The following FOXN3 variants were observed in gnomAD, a reference collection of about 807,000 sequenced individuals.
The protein encoded by FOXN3 is forkhead box N3.
In FOXN3, 7 loss-of-function variants were observed where a neutral mutation model predicts 38.4. The observed-to-expected ratio is 0.18, with a 90% confidence interval of 0.10 to 0.34. FOXN3 has a LOEUF of 0.34. Among genes scored for constraint, FOXN3 ranks in the 10% least tolerant of loss-of-function variants. FOXN3 has a pLI of 1.00. For missense variants in FOXN3, 456 were observed against 613.4 expected (o/e 0.74, Z 2.71); for synonymous variants, 230 against 242.2 (o/e 0.95, Z 0.47).
At chr14:89,230,903 C>G (rs1329676984) in intron 4 of FOXN3, 3 of 455,526 alleles carry the variant, frequency 6.6e-6, no homozygotes, top group Non-Finnish European at 1.3e-5. Context: ...TAAAGTACTT[C>G]TTCTATTTTC....
chr14:89,246,041 T>TC lies in FOXN3; in HGVS notation c.745+34908dup, dbSNP rs753208826. 7.0e-4 allele frequency among the ~76,000 whole-genome samples: 106 copies of TC among 152,208 alleles called. 1 individual carries two copies. The highest frequency in any genetic ancestry group is 3.4e-3 in the Middle Eastern group (1 of 294). On this transcript the variant is annotated intron_variant, in intron 4 of 5. Transcript: ENST00000557258. ...TGATGGCTTAAGGGTACAGGGTTTT[T>TC]CCCCCGCACTGGGTGATGAAAATAT... is the stretch of plus-strand genomic sequence containing the variant.
intron 4 of FOXN3, among the ~76,000 whole-genome samples, chr14:89,276,636 C>T (rs1886309173): frequency 6.6e-6 from 1 of 152,148 alleles, no homozygotes; most frequent in Admixed American, 6.5e-5. Context: ...GAGGGTGGGA[C>T]CTGGACTTCC....
intron 2 of FOXN3, among the ~76,000 whole-genome samples, chr14:89,376,503 G>A (rs530664496): frequency 2.0e-5 from 3 of 152,166 alleles, no homozygotes; most frequent in East Asian, 1.9e-4. Flanking sequence ...TGCAACTTTC[G>A]GTAAAATAAT....
Position 89,472,359 on chromosome 14 carries a change from A to G in FOXN3, c.-14-59869T>C, listed in dbSNP as rs369134017. Among the ~76,000 whole-genome samples the G allele has an allele frequency of 5.3e-5, 8 of 152,148 alleles. No individual in the cohort carries two copies. In the East Asian group the frequency reaches 1.2e-3, roughly 22 times the overall value. Reference sequence around the variant, plus strand: ...CCAACTCTGAGTGACACATGTGCACAACTCAGCCGCCCAGAAGTGACCTTC... The same window carrying G: ...CCAACTCTGAGTGACACATGTGCACGACTCAGCCGCCCAGAAGTGACCTTC... On this transcript the variant is annotated intron_variant, in intron 1 of 6. Transcript: ENST00000345097.
chr14:89,538,001 G>C (rs953544019), intron 1 of FOXN3, among the ~76,000 whole-genome samples: 1 of 152,082 alleles, frequency 6.6e-6, no homozygotes, highest in Non-Finnish European at 1.5e-5. Flanking sequence ...TTCTTCTGAG[G>C]CTTTCAATTG....
At chr14:89,459,027 A>G (rs935488667) in intron 1 of FOXN3, among the ~76,000 whole-genome samples, 1 of 152,220 alleles carries the variant, frequency 6.6e-6, no homozygotes, top group Non-Finnish European at 1.5e-5. Flanking sequence ...CTAAGCTAAT[A>G]TGTTCTGAGT....
intron 4 of FOXN3, among the ~76,000 whole-genome samples, chr14:89,200,087 C>CA (rs1313981213): frequency 6.6e-6 from 1 of 152,034 alleles, no homozygotes; most frequent in East Asian, 1.9e-4. Context: ...CAGATGAAAA[C>CA]AAACAAACAA....
intron 3 of FOXN3, among the ~76,000 whole-genome samples, chr14:89,298,217 A>G (rs1887104664): frequency 6.6e-6 from 1 of 152,216 alleles, no homozygotes. Flanking sequence ...CTCCACTTTT[A>G]TAAGGTATCT....
intron 1 of FOXN3, among the ~76,000 whole-genome samples, chr14:89,497,699 G>A (rs896737852): frequency 5.3e-5 from 8 of 152,020 alleles, no homozygotes; most frequent in African/African-American, 9.7e-5. Flanking sequence ...CACCGTGCCC[G>A]ACCTGGATGT....
chr14:89,436,289 T>TTAAAA (rs112150615), intron 1 of FOXN3, among the ~76,000 whole-genome samples: 2 of 134,820 alleles, frequency 1.5e-5, no homozygotes, highest in African/African-American at 2.8e-5. Context: ...GTTTATTCAT[T>TTAAAA]AAAAAAAAAA....
At chr14:89,401,277 A>G (rs901310257) in intron 2 of FOXN3, among the ~76,000 whole-genome samples, 1 of 152,088 alleles carries the variant, frequency 6.6e-6, no homozygotes, top group Admixed American at 6.6e-5. Context: ...CCCCGTTTTC[A>G]CTAAAAACAG....
At chr14:89,242,843 T>C (rs1885180040) in intron 4 of FOXN3, among the ~76,000 whole-genome samples, 1 of 152,170 alleles carries the variant, frequency 6.6e-6, no homozygotes, top group African/African-American at 2.4e-5. Flanking sequence ...AATCCAAGAA[T>C]ACACACCCCA....
At chr14:89,202,730 TCTCA>T (rs1456957561) in intron 4 of FOXN3, among the ~76,000 whole-genome samples, 1 of 152,182 alleles carries the variant, frequency 6.6e-6, no homozygotes, top group Non-Finnish European at 1.5e-5. Context: ...GTGCTTTCCC[TCTCA>T]CTCTGTGATT....
intron 4 of FOXN3, among the ~76,000 whole-genome samples, chr14:89,272,049 C>T (rs1352743477): frequency 6.6e-6 from 1 of 152,188 alleles, no homozygotes; most frequent in African/African-American, 2.4e-5. Flanking sequence ...GTGGCTCATG[C>T]CTGTAATCCC....
chr14:89,211,677 G>C (rs191797203), intron 4 of FOXN3, among the ~76,000 whole-genome samples: 1 of 152,270 alleles, frequency 6.6e-6, no homozygotes, highest in Admixed American at 6.5e-5. Flanking sequence ...ATACAGAAAG[G>C]GGTAGCACTG....
At chr14:89,321,109 G>A (rs767880028) in intron 3 of FOXN3, among the ~76,000 whole-genome samples, 21 of 151,722 alleles carry the variant, frequency 1.4e-4, no homozygotes, top group South Asian at 2.1e-4. Context: ...GCAATATGGC[G>A]AAAACCCCTC....
chr14:89,563,950 A>T (rs183092), intron 1 of FOXN3, among the ~76,000 whole-genome samples: 50,433 of 151,918 alleles, frequency 0.33, 9,106 homozygotes, highest in African/African-American at 0.47. Flanking sequence ...CCCAGGTTCA[A>T]GCAATTCTCC....
intron 4 of FOXN3, among the ~76,000 whole-genome samples, chr14:89,191,880 T>C (rs1887953657): frequency 6.7e-6 from 1 of 149,740 alleles, no homozygotes; most frequent in Non-Finnish European, 1.5e-5. Context: ...GAGAAACAAG[T>C]AAATTAACTT....
At chr14:89,291,449 A>G in intron 3 of FOXN3, 3 of 610,292 alleles carry the variant, frequency 4.9e-6, no homozygotes, top group South Asian at 4.1e-5. Flanking sequence ...CAGCTTATCA[A>G]AGGCTTCCAC....
Sources: gnomAD v4.1 joint callset for allele counts (sites outside exome capture counted in the v4.1 genomes callset) on GRCh38, gnomAD v4.1.1 for gene constraint, MANE v1.5 for transcripts, NCBI Gene and HGNC (gene_info 2026-07-23, HGNC 2026-07-21) for gene names.